TENM4: variants seen among roughly 807,000 people sequenced by gnomAD.
TENM4 encodes teneurin-4.
Under a neutral mutation model 243.3 loss-of-function variants are expected in TENM4, and 82 were observed. The observed-to-expected ratio is 0.34, with a 90% CI of 0.28 to 0.40. The LOEUF (loss-of-function observed/expected upper bound fraction) is 0.40, where lower values mean the gene tolerates loss of function less well. TENM4 is among the 10% of genes least tolerant of loss of function. The pLI, the probability that TENM4 is intolerant of heterozygous loss-of-function variation, is 1.00. For missense variants in TENM4, 3,138 were observed against 3,673.3 expected, an observed-to-expected ratio of 0.85 and a Z score of 3.77; for synonymous variants, 1,412 against 1,456.3, an observed-to-expected ratio of 0.97 and a Z score of 0.69.
intron 25 of TENM4, among the ~76,000 whole-genome samples, chr11:78,717,584 G>A (rs1859551269): frequency 6.6e-6 from 1 of 152,184 alleles, no homozygotes; most frequent in Admixed American, 6.5e-5. Context: ...TTATTTTGAG[G>A]ACAAAATTGC....
In TENM4 at chr11:78,771,119, G is replaced by A; in HGVS notation, c.2412C>T (p.Cys804=). ...CTAAGGTACATCTGCCGTTGCCATT[G>A]CACAACCCAGGGCAACCCTCTGAAA... ...RVVKEGCPGL[C]NGNGRCTLDL... Residue 804 remains cysteine, a synonymous_variant, in exon 18 of 34, where the codon TGC becomes TGT. Coordinates refer to ENST00000278550, the MANE Select transcript of TENM4 (RefSeq NM_001098816.3). 2.5e-6 allele frequency: 4 copies of A among 1,570,304 alleles called. No homozygotes were observed. Among genetic ancestry groups the A allele is most frequent in the South Asian group, 1.2e-5 (1 of 85,010 alleles).
At chr11:79,010,802 G>T (rs79099895) in intron 6 of TENM4, among the ~76,000 whole-genome samples, 5 of 152,112 alleles carry the variant, frequency 3.3e-5, no homozygotes, top group African/African-American at 1.2e-4. Context: ...ACCATGTCAG[G>T]GTTCTAGGGG....
At chr11:79,249,835 G>A (rs1050019404) in intron 2 of TENM4, among the ~76,000 whole-genome samples, 2 of 152,200 alleles carry the variant, frequency 1.3e-5, no homozygotes, top group African/African-American at 4.8e-5. Flanking sequence ...GTCAGAAGAT[G>A]TATGTCAGGT....
At chr11:78,810,522 G>A (rs759974963) in intron 14 of TENM4, among the ~76,000 whole-genome samples, 6 of 152,096 alleles carry the variant, frequency 3.9e-5, no homozygotes, top group Admixed American at 2.0e-4. Flanking sequence ...GAATAAAAAG[G>A]GACAGCAGAT....
intron 1 of TENM4, among the ~76,000 whole-genome samples, chr11:79,391,333 C>T (rs938012342): frequency 1.1e-4 from 17 of 152,074 alleles, no homozygotes; most frequent in African/African-American, 3.1e-4. Context: ...CCTGCAGATG[C>T]ATTTACTCAC....
chr11:79,283,200 TCACACACACACAAACA>T (rs1404792126), intron 2 of TENM4, among the ~76,000 whole-genome samples: 33 of 125,052 alleles, frequency 2.6e-4, no homozygotes, highest in African/African-American at 5.4e-4. Flanking sequence ...GACAAAGACA[TCACACACACACAAACA>T]CACACACACA....
chr11:78,703,041 C>G (rs1195847011), intron 27 of TENM4, among the ~76,000 whole-genome samples: 1 of 152,188 alleles, frequency 6.6e-6, no homozygotes, highest in African/African-American at 2.4e-5. Flanking sequence ...AGTTCTAGAC[C>G]AGTGATTCTC....
At chr11:78,797,130 T>A (rs902867605) in intron 15 of TENM4, among the ~76,000 whole-genome samples, 2 of 152,210 alleles carry the variant, frequency 1.3e-5, no homozygotes, top group Non-Finnish European at 2.9e-5. Context: ...GTGCAGAGGA[T>A]AAACATGGGC....
At chr11:78,914,888 A>G (rs1856278838) in intron 6 of TENM4, among the ~76,000 whole-genome samples, 1 of 152,222 alleles carries the variant, frequency 6.6e-6, no homozygotes, top group African/African-American at 2.4e-5. Flanking sequence ...CATAGTGAAC[A>G]TTGGTGCCCC....
rs114982477 is a variant in TENM4 at position 78,855,081 on chromosome 11, C to T, written c.1471-767G>A. 9.9e-3 allele frequency among the ~76,000 whole-genome samples: 1,513 copies of T among 152,208 alleles called. 16 individuals are homozygous for T. The highest frequency in any genetic ancestry group is 0.034 in the African/African-American group (1,410 of 41,512). On this transcript the variant is annotated intron_variant, in intron 11 of 33. Transcript: ENST00000278550. The stretch of plus-strand genomic sequence containing the variant: ...CTAGCTAGCTAGCTAGCTTTAAAAA[C>T]CAAACAAGATATTTATTCAATTTCA...
At chr11:79,317,372 A>G (rs1856819774) in intron 1 of TENM4, among the ~76,000 whole-genome samples, 1 of 152,012 alleles carries the variant, frequency 6.6e-6, no homozygotes, top group African/African-American at 2.4e-5. Context: ...GTAATCTATA[A>G]AGGTAATTTT....
intron 19 of TENM4, among the ~76,000 whole-genome samples, chr11:78,753,239 T>C (rs1490894739): frequency 6.6e-6 from 1 of 152,226 alleles, no homozygotes; most frequent in Non-Finnish European, 1.5e-5. Context: ...CTGGGCCAGG[T>C]GCTTTATTTT....
intron 4 of TENM4, among the ~76,000 whole-genome samples, chr11:79,135,425 T>A (rs1481621148): frequency 1.3e-5 from 2 of 151,982 alleles, no homozygotes; most frequent in African/African-American, 4.8e-5. Context: ...GTACAGCCAC[T>A]ATGGAAAACA....
intron 6 of TENM4, among the ~76,000 whole-genome samples, chr11:79,022,505 C>A (rs1414219394): frequency 6.6e-6 from 1 of 152,170 alleles, no homozygotes; most frequent in African/African-American, 2.4e-5. Context: ...TCCGCACTCT[C>A]ATGCATTCCT....
Position 78,855,983 on chromosome 11 carries a change from A to G in TENM4, c.1451T>C (p.Leu484Pro), listed in dbSNP as rs183458164. 6.4e-7 allele frequency: 1 copy of G among 1,551,566 alleles called. No individual in the cohort carries two copies. ...GGTTACCTGTGTATGTGAAGGAGGGAGGCCTTTTCTGCCATAAATGCCAAC... is the reference window on the plus strand; with the variant it reads ...GGTTACCTGTGTATGTGAAGGAGGGGGGCCTTTTCTGCCATAAATGCCAAC... ...ALVGIYGRKG[L>P]PPSHTQFDFV... The change falls in exon 11 of 34, where the codon CTC becomes CCC. Residue 484 changes from leucine to proline, a missense_variant. Physicochemically the swap from Leu to Pro is moderately conservative, Grantham distance 98 (BLOSUM62 -3). Transcript: ENST00000278550.
At chr11:79,281,473 C>T (rs762582817) in intron 2 of TENM4, among the ~76,000 whole-genome samples, 2 of 152,106 alleles carry the variant, frequency 1.3e-5, no homozygotes, top group Non-Finnish European at 2.9e-5. Context: ...ATCACGACAA[C>T]CCTAGGAAGT....
chr11:79,354,051 A>G (rs906480078), intron 1 of TENM4, among the ~76,000 whole-genome samples: 4 of 152,252 alleles, frequency 2.6e-5, no homozygotes, highest in Admixed American at 1.3e-4. Context: ...GGCTAAATGC[A>G]GACCCATTGT....
At chr11:79,173,539 T>C (rs1038252401) in intron 3 of TENM4, among the ~76,000 whole-genome samples, 8 of 152,214 alleles carry the variant, frequency 5.3e-5, no homozygotes, top group African/African-American at 1.9e-4. Flanking sequence ...GCTGTTACAC[T>C]AAGCTAAATT....
chr11:79,105,014 A>C (rs1169859578), intron 4 of TENM4, among the ~76,000 whole-genome samples: 1 of 152,222 alleles, frequency 6.6e-6, no homozygotes, highest in Non-Finnish European at 1.5e-5. Flanking sequence ...AGGTTTTAGA[A>C]TACATAAATA....
Sources: gnomAD v4.1 joint callset for allele counts (sites outside exome capture counted in the v4.1 genomes callset) on GRCh38, gnomAD v4.1.1 for gene constraint, MANE v1.5 for transcripts, NCBI Gene and HGNC (gene_info 2026-07-23, HGNC 2026-07-21) for gene names.